Variants in IPCEF1 observed in about 807,000 individuals in gnomAD.
IPCEF1 encodes interaction protein for cytohesin exchange factors 1.
Under a neutral mutation model 50.9 loss-of-function variants are expected in IPCEF1, and 31 were observed. The ratio of observed to expected loss-of-function variants is 0.61; its 90% confidence interval spans 0.46 to 0.82. The LOEUF is 0.82. IPCEF1 is among the 40% of genes least tolerant of loss of function. The pLI, the probability that IPCEF1 is intolerant of heterozygous loss-of-function variation, is 0.00. For missense variants in IPCEF1, 458 were observed against 514.0 expected (o/e 0.89, Z 1.05); for synonymous variants, 181 against 192.0 (o/e 0.94, Z 0.47).
At chr6:154,331,984 T>C (rs1228576301) in intron 1 of IPCEF1, among the ~76,000 whole-genome samples, 1 of 152,210 alleles carries the variant, frequency 6.6e-6, no homozygotes, top group African/African-American at 2.4e-5. Context: ...ATTACTGCTC[T>C]GAAACTTTTT....
At chr6:154,171,227 C>A (rs1031722333) in intron 10 of IPCEF1, among the ~76,000 whole-genome samples, 2 of 152,056 alleles carry the variant, frequency 1.3e-5, no homozygotes, top group African/African-American at 4.8e-5. Context: ...TGTTCATCAG[C>A]TGATGAAAGG....
chr6:154,281,795 G>T (rs553143451), intron 2 of IPCEF1, among the ~76,000 whole-genome samples: 37 of 152,280 alleles, frequency 2.4e-4, no homozygotes, highest in African/African-American at 8.9e-4. Flanking sequence ...CTGAGGTTAG[G>T]AGTTCGAGAC....
At chr6:154,249,006 A>C (rs1331473586) in intron 3 of IPCEF1, among the ~76,000 whole-genome samples, 1 of 152,216 alleles carries the variant, frequency 6.6e-6, no homozygotes, top group Non-Finnish European at 1.5e-5. Flanking sequence ...TGGGAAATAT[A>C]GATCCCAAGA....
chr6:154,203,495 C>T (rs1777240101), intron 9 of IPCEF1, among the ~76,000 whole-genome samples: 1 of 152,108 alleles, frequency 6.6e-6, no homozygotes, highest in Non-Finnish European at 1.5e-5. Context: ...ATTCCAAATC[C>T]ATGACTAAAT....
chr6:154,279,841 C>T (rs992847945), intron 2 of IPCEF1, among the ~76,000 whole-genome samples: 8 of 152,028 alleles, frequency 5.3e-5, no homozygotes, highest in African/African-American at 1.7e-4. Flanking sequence ...AAACCTAAGA[C>T]AAAAATGAGA....
At chr6:154,259,608 C>T (rs1781544853) in intron 3 of IPCEF1, among the ~76,000 whole-genome samples, 1 of 152,090 alleles carries the variant, frequency 6.6e-6, no homozygotes, top group South Asian at 2.1e-4. Flanking sequence ...ACCGAGATCG[C>T]TCCATTGCAC....
intron 5 of IPCEF1, among the ~76,000 whole-genome samples, chr6:154,245,272 C>G (rs1241745831): frequency 1.0e-4 from 15 of 145,506 alleles, no homozygotes; most frequent in Admixed American, 1.0e-3. Context: ...GTTGTTATAA[C>G]TCACCAAATG....
rs1038181160 is a variant in IPCEF1, at chr6:154,233,571, A to G, written c.247-10328T>C. 3.9e-5 allele frequency among the ~76,000 whole-genome samples: 6 copies of G among 152,336 alleles called. No individual in the cohort carries two copies. The South Asian group carries it at 1.0e-3, about 26-fold the overall frequency. On this transcript the variant is annotated intron_variant, in intron 5 of 11. Transcript: ENST00000367220. ...TGTTTTTGGCTAGAAAAAAGGCCCA[A>G]TTTCCTACAGAACCCAGAGATTCTT... is the stretch of plus-strand genomic sequence containing the variant.
At chr6:154,249,755 C>G (rs758585974) in intron 3 of IPCEF1, among the ~76,000 whole-genome samples, 1 of 151,980 alleles carries the variant, frequency 6.6e-6, no homozygotes, top group Non-Finnish European at 1.5e-5. Context: ...AGCCCTCCGG[C>G]TCCACCTTAG....
At chr6:154,221,475 C>G in intron 6 of IPCEF1, 147 bp from the exon 7 acceptor site, 1 of 661,668 alleles carries the variant, frequency 1.5e-6, no homozygotes, top group Non-Finnish European at 2.6e-6. Flanking sequence ...TATTAGATAC[C>G]TATTGTCTAG....
At chr6:154,279,466 C>A (rs1782154064) in intron 2 of IPCEF1, among the ~76,000 whole-genome samples, 1 of 152,202 alleles carries the variant, frequency 6.6e-6, no homozygotes. Flanking sequence ...AGGATATCGT[C>A]CTACTTTTCC....
intron 10 of IPCEF1, among the ~76,000 whole-genome samples, chr6:154,191,881 A>G (rs1801921013): frequency 6.6e-6 from 1 of 152,208 alleles, no homozygotes; most frequent in Non-Finnish European, 1.5e-5. Flanking sequence ...CAATTTTTCT[A>G]TAAATCAAAA....
At chr6:154,162,378 C>T (rs1385493700) in intron 11 of IPCEF1, among the ~76,000 whole-genome samples, 3 of 152,188 alleles carry the variant, frequency 2.0e-5, no homozygotes, top group Non-Finnish European at 4.4e-5. Context: ...AGATTCAGTC[C>T]CATCAGGGTT....
chr6:154,174,226 T>C (rs1800111663), intron 10 of IPCEF1, among the ~76,000 whole-genome samples: 2 of 152,094 alleles, frequency 1.3e-5, no homozygotes, highest in South Asian at 4.1e-4. Context: ...ACATGCCAAA[T>C]TGTAAAGACC....
In IPCEF1 at chr6:154,252,375, A is replaced by G. The variant is rs77358090; in HGVS notation, c.37-4887T>C. On this transcript the variant is annotated intron_variant, in intron 3 of 11. Transcript: ENST00000367220. ...CTTCCAGTACTGTCAGTGTGAAAAAACAAAGGACGAGCTCCTCTTGGCCAG... is the reference window on the plus strand; with the variant it reads ...CTTCCAGTACTGTCAGTGTGAAAAAGCAAAGGACGAGCTCCTCTTGGCCAG... 7.7e-3 allele frequency among the ~76,000 whole-genome samples: 1,174 copies of G among 152,246 alleles called. 20 individuals are homozygous for G. The highest frequency in any genetic ancestry group is 0.027 in the African/African-American group (1,106 of 41,552).
At chr6:154,304,717 A>G (rs1001910054) in intron 1 of IPCEF1, among the ~76,000 whole-genome samples, 85 of 152,172 alleles carry the variant, frequency 5.6e-4, no homozygotes, top group African/African-American at 1.8e-3. Flanking sequence ...TAATAACACC[A>G]TGCTCAGTTC....
chr6:154,257,945 CT>C (rs1781503660), intron 3 of IPCEF1, among the ~76,000 whole-genome samples: 1 of 152,192 alleles, frequency 6.6e-6, no homozygotes. Flanking sequence ...TCAAGTGATC[CT>C]CTCGCCTAGG....
intron 2 of IPCEF1, among the ~76,000 whole-genome samples, chr6:154,284,806 C>A (rs1358970810): frequency 2.6e-5 from 4 of 152,128 alleles, no homozygotes; most frequent in African/African-American, 7.2e-5. Flanking sequence ...TCAAGACCAT[C>A]CTGGCCAACA....
chr6:154,333,795 G>GTA (rs929876803), intron 1 of IPCEF1, among the ~76,000 whole-genome samples: 18 of 151,624 alleles, frequency 1.2e-4, no homozygotes, highest in African/African-American at 4.4e-4. Context: ...GTGTATATAT[G>GTA]TATATATATG....
Sources: allele counts gnomAD v4.1 joint callset (sites outside exome capture counted in the v4.1 genomes callset), GRCh38; gene constraint gnomAD v4.1.1; transcripts MANE v1.5; gene names NCBI Gene and HGNC (gene_info 2026-07-23, HGNC 2026-07-21).